AP3S2: variants seen among roughly 807,000 people sequenced by gnomAD.
AP3S2 encodes the protein adaptor related protein complex 3 subunit sigma 2, also known as AP-3 complex subunit sigma-2.
In AP3S2, 22 loss-of-function variants were observed where a neutral mutation model predicts 23.4. The ratio of observed to expected loss-of-function variants is 0.94; its 90% CI spans 0.67 to 1.34. AP3S2 has a LOEUF of 1.34. Ranked by LOEUF, AP3S2 falls within the 40% of genes most tolerant of loss-of-function variation. The probability of loss-of-function intolerance (pLI) is 0.00; values close to 1 mark genes in which losing one functional copy is unlikely to be tolerated. For missense variants in AP3S2, 241 were observed against 236.9 expected (o/e 1.02, Z -0.11); for synonymous variants, 86 against 87.1 (o/e 0.99, Z 0.07).
Position 89,831,242 on chromosome 15 carries a change from C to T in AP3S2, c.*4273G>A, listed in dbSNP as rs1165202043. The T allele has an allele frequency of 6.6e-6, 1 of 152,198 alleles. No homozygotes were observed. The highest frequency in any genetic ancestry group is 1.5e-5 in the Non-Finnish European group (1 of 68,036). The allele number at this position is 152,198 out of a possible 1,614,324, so 9.4% of individuals were successfully genotyped here. A position where few individuals can be genotyped will look rare whatever the true frequency, so the allele number is the denominator to read the frequency against. On this transcript the variant is annotated 3_prime_UTR_variant, in exon 6 of 6. Coordinates refer to ENST00000336418, the MANE Select transcript of AP3S2 (RefSeq NM_005829.5). The stretch of plus-strand genomic sequence containing the variant: ...GCAGATGGAGAACCCTCCAGTGCTC[C>T]CGAGAAGGGAGACAGTCTTAACCCA...
At chr15:89,856,594 C>T (rs1442385684) in intron 4 of AP3S2, among the ~76,000 whole-genome samples, 4 of 151,282 alleles carry the variant, frequency 2.6e-5, no homozygotes, top group Admixed American at 6.6e-5. Flanking sequence ...CCCAGCTACT[C>T]GGAAGGCTGA....
At chr15:89,869,336 G>A (rs928205001) in intron 4 of AP3S2, among the ~76,000 whole-genome samples, 2 of 148,366 alleles carry the variant, frequency 1.3e-5, no homozygotes, top group African/African-American at 5.0e-5. Context: ...TAAGGGCGGT[G>A]CAAGATGTGC....
At chr15:89,889,482 T>C in intron 1 of AP3S2, 1 of 231,682 alleles carries the variant, frequency 4.3e-6, no homozygotes. Context: ...TCCTGAAATA[T>C]TTTGTCTTCC....
chr15:89,833,545 C>T lies in AP3S2; in HGVS notation c.*1970G>A, dbSNP rs1895125045. ...AGTTGAATGATCTTGCTCATGCCAA[C>T]TTACAGAAGGTACGAAATAAACGCC... On this transcript the variant is annotated 3_prime_UTR_variant, in exon 6 of 6. Transcript: ENST00000336418. The T allele has an allele frequency of 6.6e-6, 1 of 152,190 alleles. No homozygotes were observed. Among genetic ancestry groups the T allele is most frequent in the Non-Finnish European group, 1.5e-5 (1 of 68,040 alleles). 9.4% of individuals were successfully genotyped at this position (152,190 alleles called of 1,614,324 possible). A position where few individuals can be genotyped will look rare whatever the true frequency, so the allele number is the denominator to read the frequency against.
At chr15:89,891,039 T>A (rs1033664381) in intron 1 of AP3S2, among the ~76,000 whole-genome samples, 4 of 152,200 alleles carry the variant, frequency 2.6e-5, no homozygotes, top group Non-Finnish European at 5.9e-5. Flanking sequence ...ATGCTAAGCA[T>A]CAGCACTTTT....
intron 3 of AP3S2, among the ~76,000 whole-genome samples, chr15:89,874,358 C>G (rs1896392189): frequency 6.6e-6 from 1 of 152,208 alleles, no homozygotes; most frequent in Non-Finnish European, 1.5e-5. Context: ...CGAAATCTGT[C>G]TCACGTGTCC....
intron 1 of AP3S2, chr15:89,893,676 A>C: frequency 1.8e-6 from 1 of 558,478 alleles, no homozygotes; most frequent in Non-Finnish European, 3.2e-6. Context: ...GAAAAGGGTC[A>C]GCGAGAGCGG....
intron 4 of AP3S2, among the ~76,000 whole-genome samples, chr15:89,844,675 G>A (rs1164015151): frequency 6.6e-6 from 1 of 151,724 alleles, no homozygotes; most frequent in Non-Finnish European, 1.5e-5. Context: ...GCTGATTAGA[G>A]TTTTTTGCCA....
chr15:89,858,269 C>G (rs1308853882), intron 4 of AP3S2, among the ~76,000 whole-genome samples: 2 of 151,526 alleles, frequency 1.3e-5, no homozygotes, highest in African/African-American at 2.4e-5. Flanking sequence ...GAAACTCCGT[C>G]TCTACTAAAA....
chr15:89,839,990 G>C (rs150922108), intron 4 of AP3S2, among the ~76,000 whole-genome samples: 155 of 152,274 alleles, frequency 1.0e-3, no homozygotes, highest in African/African-American at 3.5e-3. Flanking sequence ...TTCCACTCCT[G>C]TGAGGTACCC....
intron 3 of AP3S2, among the ~76,000 whole-genome samples, chr15:89,872,733 T>C (rs1237555539): frequency 6.6e-6 from 1 of 152,200 alleles, no homozygotes; most frequent in African/African-American, 2.4e-5. Flanking sequence ...CCACTTGCCA[T>C]GAGGAACCAA....
chr15:89,843,195 G>A (rs1054945804), intron 4 of AP3S2, among the ~76,000 whole-genome samples: 1 of 149,488 alleles, frequency 6.7e-6, no homozygotes, highest in Non-Finnish European at 1.5e-5. Flanking sequence ...TGTTGGTCAG[G>A]CTGGTCTCAA....
chr15:89,836,417 G>T (rs1895192608), intron 5 of AP3S2, among the ~76,000 whole-genome samples: 1 of 152,172 alleles, frequency 6.6e-6, no homozygotes, highest in South Asian at 2.1e-4. Context: ...TTCTTAAAAG[G>T]AAAAGGACAG....
chr15:89,877,413 T>C, intron 3 of AP3S2: 1 of 1,289,466 alleles, frequency 7.8e-7, no homozygotes, highest in South Asian at 1.2e-5. Context: ...TCTTCCTCTC[T>C]CTTTTTTTAA....
intron 4 of AP3S2, among the ~76,000 whole-genome samples, chr15:89,851,012 TAAAAG>T (rs968114521): frequency 2.0e-5 from 3 of 148,636 alleles, no homozygotes; most frequent in African/African-American, 7.3e-5. Flanking sequence ...GATTTTTCAC[TAAAAG>T]AACATAATCT....
intron 1 of AP3S2, among the ~76,000 whole-genome samples, chr15:89,890,256 G>C (rs1896790724): frequency 6.6e-6 from 1 of 152,156 alleles, no homozygotes; most frequent in African/African-American, 2.4e-5. Context: ...CACCATGTTG[G>C]TCAGGCTGGT....
Position 89,834,313 on chromosome 15 carries a change from T to C in AP3S2, c.*1202A>G, listed in dbSNP as rs1895140913. Reference sequence around the variant, plus strand: ...CACAGCAACAAACCTTCTGCTCTCATGAGGAGAATGTATTTTAAACTTGGG... The same window carrying C: ...CACAGCAACAAACCTTCTGCTCTCACGAGGAGAATGTATTTTAAACTTGGG... On this transcript the variant is annotated 3_prime_UTR_variant, in exon 6 of 6. Transcript: ENST00000336418. The C allele has an allele frequency of 6.6e-6, 1 of 152,238 alleles. No individual in the cohort carries two copies. The highest frequency in any genetic ancestry group is 2.1e-4 in the South Asian group (1 of 4,832). 9.4% of individuals were successfully genotyped at this position (152,238 alleles called of 1,614,324 possible).
chr15:89,844,195 CTCTT>C (rs1419405065), intron 4 of AP3S2, among the ~76,000 whole-genome samples: 7 of 151,746 alleles, frequency 4.6e-5, no homozygotes, highest in East Asian at 3.9e-4. Context: ...CCAAAAAACC[CTCTT>C]TCTTTCTTTC....
At chr15:89,837,512 T>C (rs966454143) in intron 5 of AP3S2, 103 bp downstream of exon 5, 1 of 1,310,576 alleles carries the variant, frequency 7.6e-7, no homozygotes, top group Non-Finnish European at 1.1e-6. Flanking sequence ...TGAGTATCAT[T>C]TCCCGAGGTT....
Sources: gnomAD v4.1 joint callset for allele counts (sites outside exome capture counted in the v4.1 genomes callset) on GRCh38, gnomAD v4.1.1 for gene constraint, MANE v1.5 for transcripts, NCBI Gene and HGNC (gene_info 2026-07-23, HGNC 2026-07-21) for gene names.